The following E2F6 variants were observed in gnomAD, a reference collection of about 807,000 sequenced individuals.
E2F6 encodes the protein E2F transcription factor 6, also known as transcription factor E2F6.
In E2F6, 19 loss-of-function variants were observed where a neutral mutation model predicts 31.5. That is an observed-to-expected ratio of 0.60 (90% CI 0.42 to 0.89). E2F6 has a LOEUF of 0.89. Among genes scored for constraint, E2F6 ranks in the 40% least tolerant of loss-of-function variants. The probability of loss-of-function intolerance (pLI) is 0.00; values close to 1 mark genes in which losing one functional copy is unlikely to be tolerated. For synonymous variants in E2F6, 121 were observed against 127.7 expected (o/e 0.95, Z 0.36); for missense variants, 269 against 341.6 (o/e 0.79, Z 1.67).
chr2:11,465,883 G>T lies in E2F6; in HGVS notation c.-4C>A. The T allele has an allele frequency of 6.5e-7, 1 of 1,546,170 alleles. No homozygotes were observed. On this transcript the variant is annotated 5_prime_UTR_variant, in exon 1 of 7. Coordinates refer to ENST00000381525, the MANE Select transcript of E2F6 (RefSeq NM_198256.4). Reference sequence around the variant, plus strand: ...TCGCCGGCCGCTGCTGACTCATGCTGCCCGGCCGGGCGTCCTGCTCCCCTC... The same window carrying T: ...TCGCCGGCCGCTGCTGACTCATGCTTCCCGGCCGGGCGTCCTGCTCCCCTC...
intron 4 of E2F6, among the ~76,000 whole-genome samples, chr2:11,450,682 G>A (rs1438268997): frequency 1.3e-5 from 2 of 151,884 alleles, no homozygotes; most frequent in Non-Finnish European, 1.5e-5. Context: ...AGTCTTTTTC[G>A]TCTTGTCTCA....
At chr2:11,454,352 C>CTT (rs535824786) in intron 2 of E2F6, among the ~76,000 whole-genome samples, 19 of 140,522 alleles carry the variant, frequency 1.4e-4, no homozygotes, top group African/African-American at 1.6e-4. Context: ...GTATCTCTCT[C>CTT]TTTTTTTTTT....
chr2:11,457,361 C>CG (rs1671472081), intron 1 of E2F6, 128 bp from the exon 2 acceptor site: 1 of 626,488 alleles, frequency 1.6e-6, no homozygotes, highest in African/African-American at 1.9e-5. Context: ...CAGAGGCTCA[C>CG]GCCTGTAATC....
intron 1 of E2F6, 35 bp from the exon 2 acceptor site, chr2:11,457,268 T>C (rs746767483): frequency 7.6e-7 from 1 of 1,320,722 alleles, no homozygotes; most frequent in Non-Finnish European, 1.1e-6. Flanking sequence ...ACTTAGTGAT[T>C]TTAAAACAAC....
intron 1 of E2F6, among the ~76,000 whole-genome samples, chr2:11,457,939 C>T (rs1266080593): frequency 6.6e-6 from 1 of 152,164 alleles, no homozygotes; most frequent in Admixed American, 6.5e-5. Flanking sequence ...CTTTTAAATT[C>T]CTGAAACAAC....
chr2:11,463,653 G>A (rs1671924879), intron 1 of E2F6, among the ~76,000 whole-genome samples: 2 of 151,614 alleles, frequency 1.3e-5, no homozygotes, highest in African/African-American at 4.8e-5. Flanking sequence ...AGAGAACCCT[G>A]AATAATACCA....
rs970232593 is a variant in E2F6, at chr2:11,444,926, G to C, written c.*1551C>G. On this transcript the variant is annotated 3_prime_UTR_variant, in exon 7 of 7. Coordinates refer to ENST00000381525, the MANE Select transcript of E2F6 (RefSeq NM_198256.4). ...CAGTGCCCCCTGCAGCTTTTCTTTG[G>C]CTAATTTCAAATAATAAAACAGAGG... The C allele has an allele frequency of 6.6e-6, 1 of 152,160 alleles. No individual in the cohort carries two copies. The highest frequency in any genetic ancestry group is 2.4e-5 in the African/African-American group (1 of 41,412). The allele number at this position is 152,160 out of a possible 1,614,324, so 9.4% of individuals were successfully genotyped here.
chr2:11,455,449 T>G (rs1299668552), intron 2 of E2F6: 75 of 1,295,790 alleles, frequency 5.8e-5, no homozygotes, highest in Non-Finnish European at 7.6e-5. Context: ...AATATAAATG[T>G]CTTCTCTCTG....
intron 2 of E2F6, among the ~76,000 whole-genome samples, chr2:11,456,770 C>T (rs140273630): frequency 2.1e-3 from 318 of 152,258 alleles, no homozygotes; most frequent in African/African-American, 7.4e-3. Context: ...ACTGACTTAT[C>T]GATGCACTAT....
intron 2 of E2F6, among the ~76,000 whole-genome samples, chr2:11,455,830 T>C (rs901866073): frequency 1.3e-5 from 2 of 152,126 alleles, no homozygotes; most frequent in Non-Finnish European, 2.9e-5. Flanking sequence ...AGTCACCCGA[T>C]GGCAAGAAAT....
intron 1 of E2F6, among the ~76,000 whole-genome samples, chr2:11,465,337 G>A (rs1672093978): frequency 6.6e-6 from 1 of 152,150 alleles, no homozygotes; most frequent in African/African-American, 2.4e-5. Flanking sequence ...CATTTTCTCT[G>A]TCAAACAGGT....
At chr2:11,464,711 C>T (rs1672025788) in intron 1 of E2F6, among the ~76,000 whole-genome samples, 1 of 152,000 alleles carries the variant, frequency 6.6e-6, no homozygotes, top group South Asian at 2.1e-4. Flanking sequence ...ATTATCCAGC[C>T]ACAGGCAAGC....
At chr2:11,464,517 CA>C (rs559562627) in intron 1 of E2F6, among the ~76,000 whole-genome samples, 912 of 44,662 alleles carry the variant, frequency 0.02, 9 homozygotes, top group African/African-American at 0.084. Context: ...ACTTCGTCAC[CA>C]AAAAAAAAAA....
At chr2:11,449,636 C>T (rs1670935541) in intron 5 of E2F6, among the ~76,000 whole-genome samples, 1 of 152,166 alleles carries the variant, frequency 6.6e-6, no homozygotes, top group Non-Finnish European at 1.5e-5. Flanking sequence ...TTTGTTAATT[C>T]CCCAGTGCCT....
chr2:11,454,771 A>G (rs1671300708), intron 2 of E2F6, among the ~76,000 whole-genome samples: 1 of 152,122 alleles, frequency 6.6e-6, no homozygotes, highest in Non-Finnish European at 1.5e-5. Flanking sequence ...ATACACACAC[A>G]CACCTCTAAC....
intron 1 of E2F6, among the ~76,000 whole-genome samples, chr2:11,459,992 C>A (rs1444564692): frequency 6.6e-6 from 1 of 152,178 alleles, no homozygotes; most frequent in African/African-American, 2.4e-5. Context: ...ATCTTGTGCC[C>A]TGACAGAGTA....
At chr2:11,462,376 G>C (rs1357141277) in intron 1 of E2F6, among the ~76,000 whole-genome samples, 1 of 152,174 alleles carries the variant, frequency 6.6e-6, no homozygotes, top group Non-Finnish European at 1.5e-5. Flanking sequence ...GGCATAGTAA[G>C]AGATTAACAG....
At chr2:11,455,332 T>C in intron 2 of E2F6, 1 of 1,150,128 alleles carries the variant, frequency 8.7e-7, no homozygotes, top group South Asian at 2.1e-5. Flanking sequence ...CAAAGAAATG[T>C]CCATCCTACC....
In E2F6 at chr2:11,446,526, G is replaced by A. The variant is rs776660326; in HGVS notation, c.800-3C>T. The A allele has an allele frequency of 3.7e-6, 6 of 1,612,576 alleles. No individual in the cohort carries two copies. Among genetic ancestry groups the A allele is most frequent in the Non-Finnish European group, 5.1e-6 (6 of 1,179,134 alleles). ...TTCACTTTGCTGAGGATTTTCTTCT[G>A]GAAAAGAACACGAGAGAGAAATACA... On this transcript the variant is annotated splice_polypyrimidine_tract_variant and splice_region_variant and intron_variant, in intron 6 of 6. Transcript: ENST00000381525.
Sources: allele counts gnomAD v4.1 joint callset (sites outside exome capture counted in the v4.1 genomes callset), GRCh38; gene constraint gnomAD v4.1.1; transcripts MANE v1.5; gene names NCBI Gene and HGNC (gene_info 2026-07-23, HGNC 2026-07-21).